USH2A: variants seen among roughly 807,000 people sequenced by gnomAD.
The protein encoded by USH2A is Usher syndrome 2A (autosomal recessive, mild).
USH2A carries 443 observed loss-of-function variants against 538.9 expected under a neutral mutation model. The observed-to-expected ratio is 0.82, with a 90% CI of 0.76 to 0.89. USH2A has a LOEUF of 0.89. Ranked by LOEUF, USH2A falls within the 40% of genes least tolerant of loss-of-function variation. USH2A has a pLI of 0.00. For missense variants in USH2A, 6,633 were observed against 6,324.8 expected (o/e 1.05, Z -1.65); for synonymous variants, 2,413 against 2,273.5 (o/e 1.06, Z -1.75).
At chr1:216,393,366 C>T (rs2102749440) in intron 3 of USH2A, among the ~76,000 whole-genome samples, 1 of 152,258 alleles carries the variant, frequency 6.6e-6, no homozygotes, top group East Asian at 1.9e-4. Context: ...TCCTAAAGTA[C>T]TAAAATTACG....
chr1:216,414,955 T>A (rs1049447017), intron 3 of USH2A, among the ~76,000 whole-genome samples: 2 of 152,170 alleles, frequency 1.3e-5, no homozygotes, highest in Non-Finnish European at 2.9e-5. Context: ...TTACATTTTA[T>A]ACTAAAATAT....
intron 61 of USH2A, among the ~76,000 whole-genome samples, chr1:215,696,333 A>C (rs1320385368): frequency 6.6e-6 from 1 of 152,144 alleles, no homozygotes; most frequent in African/African-American, 2.4e-5. Flanking sequence ...GCAGAGGCAG[A>C]AGAAAAGCTA....
intron 21 of USH2A, among the ~76,000 whole-genome samples, chr1:216,157,270 T>G (rs1291919184): frequency 6.6e-6 from 1 of 152,074 alleles, no homozygotes; most frequent in African/African-American, 2.4e-5. Flanking sequence ...AAAACAACAA[T>G]GAGATACCAT....
At chr1:216,340,075 A>G (rs1394395415) in intron 4 of USH2A, among the ~76,000 whole-genome samples, 2 of 151,862 alleles carry the variant, frequency 1.3e-5, no homozygotes. Context: ...AAACAAACAA[A>G]CAAACAAAAT....
chr1:215,766,584 T>C lies in USH2A; in HGVS notation c.11047+97A>G. The stretch of plus-strand genomic sequence containing the variant: ...TTTATTTTGTACCTATCAACTTTAT[T>C]GCCTCTTCCTTATTTGTTATGAAGG... On this transcript the variant is annotated intron_variant, in intron 56 of 71. Coordinates refer to ENST00000307340, the MANE Select transcript of USH2A (RefSeq NM_206933.4). 6 of 1,142,350 alleles carry C rather than the reference T, an allele frequency of 5.3e-6. No individual in the cohort carries two copies. In the South Asian group the frequency reaches 7.4e-5, roughly 14 times the overall value. 70.8% of individuals were successfully genotyped at this position (1,142,350 alleles called of 1,614,324 possible). A position where few individuals can be genotyped will look rare whatever the true frequency, so the allele number is the denominator to read the frequency against.
intron 56 of USH2A, 105 bp from the exon 57 acceptor site, chr1:215,759,948 T>C: frequency 7.6e-7 from 1 of 1,320,724 alleles, no homozygotes; most frequent in East Asian, 2.4e-5. Context: ...TCTGTTGATT[T>C]TAAAAAATAT....
chr1:216,155,740 T>C (rs907320528), intron 21 of USH2A, among the ~76,000 whole-genome samples: 1 of 152,208 alleles, frequency 6.6e-6, no homozygotes, highest in Non-Finnish European at 1.5e-5. Context: ...ATTTTGTTTA[T>C]GAAGCAGGCA....
At chr1:215,982,714 C>A (rs1295077115) in intron 35 of USH2A, among the ~76,000 whole-genome samples, 1 of 152,158 alleles carries the variant, frequency 6.6e-6, no homozygotes, top group Non-Finnish European at 1.5e-5. Flanking sequence ...CATTGTGTTG[C>A]ATGCTGGTAA....
At chr1:216,094,827 T>C (rs969972763) in intron 22 of USH2A, among the ~76,000 whole-genome samples, 2 of 152,152 alleles carry the variant, frequency 1.3e-5, no homozygotes, top group African/African-American at 4.8e-5. Context: ...TGGTCACTTA[T>C]TAGTGTTGTG....
chr1:216,231,867 T>C (rs962737395), intron 14 of USH2A, 86 bp downstream of exon 14: 1 of 1,553,994 alleles, frequency 6.4e-7, no homozygotes, highest in Non-Finnish European at 8.9e-7. Flanking sequence ...AAATACTTTT[T>C]ACAGAAGTTA....
chr1:216,221,550 C>T (rs760368503), intron 14 of USH2A, among the ~76,000 whole-genome samples: 3 of 152,144 alleles, frequency 2.0e-5, no homozygotes, highest in Admixed American at 6.6e-5. Flanking sequence ...CAAGGAAATA[C>T]GAGTGCCTCA....
chr1:216,188,268 T>G (rs2034647412), intron 20 of USH2A, among the ~76,000 whole-genome samples: 1 of 151,848 alleles, frequency 6.6e-6, no homozygotes, highest in Non-Finnish European at 1.5e-5. Flanking sequence ...GCAGGCAGAT[T>G]CTATTCTGTA....
chr1:216,275,046 G>A (rs2036645227), intron 11 of USH2A, among the ~76,000 whole-genome samples: 2 of 152,108 alleles, frequency 1.3e-5, no homozygotes, highest in South Asian at 4.1e-4. Flanking sequence ...TCCCAGCAAT[G>A]GTTACATATT....
rs925344568 is a variant in USH2A at position 216,089,063 on chromosome 1, G to A, written c.4835C>T (p.Ala1612Val). The A allele has an allele frequency of 6.2e-7, 1 of 1,613,408 alleles. No homozygotes were observed. Among genetic ancestry groups the A allele is most frequent in the South Asian group, 1.1e-5 (1 of 91,072 alleles). Residue 1612 changes from alanine (A) to valine (V), a missense_variant, in exon 23 of 72, where the codon GCT (alanine) becomes GTT (valine). Transcript: ENST00000307340. ...YSDGKWHEII[A>V]IRHQAFGQIT... is the part of the protein sequence containing the mutation. Reference sequence around the variant, plus strand: ...TTGGCCAAAAGCCTGATGCCTAATAGCAATTATTTCATGCCATTTTCCATC... The same window carrying A: ...TTGGCCAAAAGCCTGATGCCTAATAACAATTATTTCATGCCATTTTCCATC...
intron 3 of USH2A, among the ~76,000 whole-genome samples, chr1:216,405,360 T>C (rs922544722): frequency 6.6e-6 from 1 of 151,846 alleles, no homozygotes; most frequent in Admixed American, 6.6e-5. Flanking sequence ...AGCAATCAAA[T>C]TAGAAAATGG....
At chr1:216,142,888 A>G (rs568000829) in intron 21 of USH2A, among the ~76,000 whole-genome samples, 3 of 152,114 alleles carry the variant, frequency 2.0e-5, no homozygotes, top group African/African-American at 7.2e-5. Context: ...ATTTCCCCCC[A>G]CGTGTTTTAA....
chr1:215,825,426 T>C (rs542597840), intron 47 of USH2A, among the ~76,000 whole-genome samples: 17 of 151,508 alleles, frequency 1.1e-4, no homozygotes, highest in Non-Finnish European at 1.8e-4. Flanking sequence ...TAATTTGATA[T>C]CACTTACCTT....
At chr1:215,836,858 G>A (rs1367013669) in intron 47 of USH2A, among the ~76,000 whole-genome samples, 2 of 151,322 alleles carry the variant, frequency 1.3e-5, no homozygotes, top group Non-Finnish European at 2.9e-5. Context: ...GCCCCACCTT[G>A]CCTTCTATAT....
At chr1:215,727,080 T>C (rs1395734777) in intron 61 of USH2A, among the ~76,000 whole-genome samples, 9 of 152,116 alleles carry the variant, frequency 5.9e-5, no homozygotes, top group Admixed American at 5.9e-4. Context: ...GTGAACTGAA[T>C]TAAGTCGTTC....
Sources: allele counts gnomAD v4.1 joint callset (sites outside exome capture counted in the v4.1 genomes callset), GRCh38; gene constraint gnomAD v4.1.1; transcripts MANE v1.5; gene names NCBI Gene and HGNC (gene_info 2026-07-23, HGNC 2026-07-21).